The following MCTP2 variants were observed in gnomAD, a reference collection of about 807,000 sequenced individuals.
MCTP2 encodes the protein multiple C2 and transmembrane domain containing 2, also known as multiple C2 and transmembrane domain-containing protein 2.
MCTP2 carries 132 observed loss-of-function variants against 111.6 expected under a neutral mutation model. The observed-to-expected ratio is 1.18, with a 90% CI of 1.03 to 1.37. The LOEUF (loss-of-function observed/expected upper bound fraction) is 1.37, where lower values mean the gene tolerates loss of function less well. Ranked by LOEUF, MCTP2 falls within the 40% of genes most tolerant of loss-of-function variation. MCTP2 has a pLI of 0.00. For synonymous variants in MCTP2, 395 were observed against 387.7 expected (o/e 1.02, Z -0.22); for missense variants, 1,183 against 1,067.9 (o/e 1.11, Z -1.50).
intron 4 of MCTP2, among the ~76,000 whole-genome samples, chr15:94,325,258 G>A (rs2076808419): frequency 1.3e-5 from 2 of 152,140 alleles, no homozygotes; most frequent in Non-Finnish European, 1.5e-5. Context: ...TGGAGACTTG[G>A]TGGTGGTCGT....
chr15:94,253,756 T>C (rs1019970742), intron 1 of MCTP2, among the ~76,000 whole-genome samples: 5 of 152,002 alleles, frequency 3.3e-5, no homozygotes, highest in African/African-American at 1.2e-4. Context: ...ATGCACAAAA[T>C]GTAAGTTTCA....
chr15:94,305,439 C>T (rs2075833266), intron 2 of MCTP2, among the ~76,000 whole-genome samples: 1 of 152,246 alleles, frequency 6.6e-6, no homozygotes, highest in South Asian at 2.1e-4. Flanking sequence ...GCACCATAGT[C>T]TACTGCCACA....
intron 1 of MCTP2, among the ~76,000 whole-genome samples, chr15:94,245,451 T>C (rs1414077131): frequency 7.1e-6 from 1 of 139,972 alleles, no homozygotes; most frequent in Non-Finnish European, 1.5e-5. Context: ...CACATATATG[T>C]ATATGTATTT....
intron 1 of MCTP2, among the ~76,000 whole-genome samples, chr15:94,274,237 A>G (rs1026063969): frequency 2.0e-5 from 3 of 152,214 alleles, no homozygotes; most frequent in South Asian, 4.1e-4. Flanking sequence ...AAAATGTGAC[A>G]TATTACAACT....
At position 94,480,791 on chromosome 15, in the gene MCTP2, C is replaced by G. The variant is rs1406903220; in HGVS notation, c.*1757C>G. 4 of 152,142 alleles carry G rather than the reference C, an allele frequency of 2.6e-5. No homozygotes were observed. Among genetic ancestry groups the G allele is most frequent in the Non-Finnish European group, 5.9e-5 (4 of 68,022 alleles). 9.4% of individuals were successfully genotyped at this position (152,142 alleles called of 1,614,324 possible). On this transcript the variant is annotated 3_prime_UTR_variant, in exon 23 of 23. Transcript: ENST00000357742. ...TATTTATTTAAAAGTGGAACCAATA[C>G]TTTATTGTTGTTCTTTTGCTATAGA...
rs2074683167 is a variant in MCTP2, at chr15:94,480,713, G to GT, written c.*1680dup. On this transcript the variant is annotated 3_prime_UTR_variant, in exon 23 of 23. Transcript: ENST00000357742. ...AAGTCAGACATTTTTAAACAGACAT[G>GT]TGAGATCTGATCAGTCATTTGAATG... 1.3e-5 allele frequency: 2 copies of GT among 152,214 alleles called. No homozygotes were observed. The highest frequency in any genetic ancestry group is 1.3e-4 in the Admixed American group (2 of 15,286). 9.4% of individuals were successfully genotyped at this position (152,214 alleles called of 1,614,324 possible). A position where few individuals can be genotyped will look rare whatever the true frequency, so the allele number is the denominator to read the frequency against.
In MCTP2 at chr15:94,352,249, T is replaced by G. The variant is rs573965969; in HGVS notation, c.1006-3888T>G. On this transcript the variant is annotated intron_variant, in intron 8 of 22. Coordinates refer to ENST00000357742, the MANE Select transcript of MCTP2 (RefSeq NM_001385001.1). The stretch of plus-strand genomic sequence containing the variant: ...CCGCAAAGTTTCTCCCCTTCCTGCC[T>G]CGGGATGGTCTTGAACGAGAAGTAA... Among the ~76,000 whole-genome samples, 5 of 152,334 alleles carry G rather than the reference T, an allele frequency of 3.3e-5. No individual in the cohort carries two copies. In the South Asian group the frequency reaches 1.0e-3, roughly 32 times the overall value.
At chr15:94,242,434 T>G (rs1293507573) in intron 1 of MCTP2, among the ~76,000 whole-genome samples, 1 of 152,140 alleles carries the variant, frequency 6.6e-6, no homozygotes, top group Non-Finnish European at 1.5e-5. Flanking sequence ...TACAGAGGTT[T>G]GGGTAAGTGC....
At chr15:94,322,375 C>G (rs376953602) in intron 4 of MCTP2, among the ~76,000 whole-genome samples, 5 of 151,576 alleles carry the variant, frequency 3.3e-5, no homozygotes, top group African/African-American at 1.2e-4. Flanking sequence ...GCATTTTCTT[C>G]GGATTGTTAC....
At chr15:94,359,575 G>T (rs2078809967) in intron 10 of MCTP2, among the ~76,000 whole-genome samples, 1 of 152,096 alleles carries the variant, frequency 6.6e-6, no homozygotes, top group Non-Finnish European at 1.5e-5. Flanking sequence ...TCTCCTCTGT[G>T]GCCAGAGCAT....
intron 2 of MCTP2, among the ~76,000 whole-genome samples, chr15:94,309,298 A>AT (rs34726387): frequency 0.064 from 9,751 of 152,230 alleles, 1,036 homozygotes; most frequent in African/African-American, 0.22. Context: ...ATTCTTAAAT[A>AT]TACATATTCT....
Position 94,298,208 on chromosome 15 carries a change from TGCAG to T in MCTP2, c.-57_-54del. The T allele has an allele frequency of 7.7e-7, 1 of 1,298,536 alleles. No homozygotes were observed. 80.4% of individuals were successfully genotyped at this position (1,298,536 alleles called of 1,614,324 possible). On this transcript the variant is annotated 5_prime_UTR_variant, in exon 2 of 23. Transcript: ENST00000357742. Reference sequence around the variant, plus strand: ...TTTTTTTCTGTTTTATAGGAGTCATTGCAGTTTTCAGTAGAGGTGTACTTCTGAG... The same window carrying T: ...TTTTTTTCTGTTTTATAGGAGTCATTTTTTCAGTAGAGGTGTACTTCTGAG...
At position 94,440,209 on chromosome 15, in the gene MCTP2, T is replaced by C. The variant is rs2083700303; in HGVS notation, c.2119T>C (p.Tyr707His). The C allele has an allele frequency of 3.1e-6, 5 of 1,614,120 alleles. No homozygotes were observed. The East Asian group carries it at 1.1e-4, about 36-fold the overall frequency. The change falls in exon 18 of 23, where the codon TAT becomes CAT. Residue 707 changes from tyrosine (Y) to histidine (H), a missense_variant. Transcript: ENST00000357742. ...GATCACTGTCTGGAATTTTGAACTA[T>C]ATATGATCCCCTTGGCATTGTTGCT... The part of the protein sequence containing the change: ...FLITVWNFEL[Y>H]MIPLALLLIF...
intron 1 of MCTP2, among the ~76,000 whole-genome samples, chr15:94,286,309 A>G (rs1280576720): frequency 6.6e-6 from 1 of 152,208 alleles, no homozygotes; most frequent in Non-Finnish European, 1.5e-5. Flanking sequence ...AGGTAGGCAT[A>G]CACCATCAGA....
intron 1 of MCTP2, among the ~76,000 whole-genome samples, chr15:94,238,128 C>T (rs1020371319): frequency 6.6e-6 from 1 of 152,082 alleles, no homozygotes; most frequent in Non-Finnish European, 1.5e-5. Context: ...GGCTGAGTCA[C>T]GGGCCATGGT....
chr15:94,386,499 A>AT (rs1307947329), intron 14 of MCTP2, among the ~76,000 whole-genome samples: 1 of 152,174 alleles, frequency 6.6e-6, no homozygotes, highest in Non-Finnish European at 1.5e-5. Flanking sequence ...TTTCTCCCCG[A>AT]GTTCTCATAT....
chr15:94,278,966 A>G (rs1485569271), intron 1 of MCTP2, among the ~76,000 whole-genome samples: 1 of 152,088 alleles, frequency 6.6e-6, no homozygotes, highest in Non-Finnish European at 1.5e-5. Flanking sequence ...AACCTGTTCC[A>G]TTGGTCTGTG....
At chr15:94,292,075 G>A (rs571623219) in intron 1 of MCTP2, among the ~76,000 whole-genome samples, 2 of 152,264 alleles carry the variant, frequency 1.3e-5, no homozygotes, top group South Asian at 4.1e-4. Context: ...AAATCAAGAA[G>A]AGAGAAATAA....
At chr15:94,321,665 A>G (rs2076636461) in intron 4 of MCTP2, among the ~76,000 whole-genome samples, 1 of 152,136 alleles carries the variant, frequency 6.6e-6, no homozygotes, top group Admixed American at 6.5e-5. Flanking sequence ...TGTCTTTAGC[A>G]TAGGGTTTTT....
Sources: gnomAD v4.1 joint callset for allele counts (sites outside exome capture counted in the v4.1 genomes callset) on GRCh38, gnomAD v4.1.1 for gene constraint, MANE v1.5 for transcripts, NCBI Gene and HGNC (gene_info 2026-07-23, HGNC 2026-07-21) for gene names.